The following PCDHA10 variants were observed in gnomAD, a reference collection of about 807,000 sequenced individuals.
PCDHA10 encodes protocadherin alpha-10.
In PCDHA10, 45 loss-of-function variants were observed where a neutral mutation model predicts 61.2. That is an observed-to-expected ratio of 0.74 (90% CI 0.58 to 0.94). The LOEUF is 0.94. PCDHA10 is among the 40% of genes least tolerant of loss of function. The pLI is 0.00. For missense variants in PCDHA10, 1,278 were observed against 1,236.2 expected (o/e 1.03, Z -0.51); for synonymous variants, 602 against 548.8 (o/e 1.10, Z -1.35).
chr5:140,884,441 G>A, intron 1 of PCDHA10: 2 of 1,613,812 alleles, frequency 1.2e-6, no homozygotes, highest in Non-Finnish European at 1.7e-6. Flanking sequence ...GCGGTGCTCG[G>A]CACCGCCCAC....
chr5:140,980,545 G>A lies in PCDHA10; in HGVS notation c.2447+1538G>A, dbSNP rs190037193. ...CTAGGGAGGCTGAGGCAGGAGAATC[G>A]CTTGAACCCGGGAGGCGGAAGTTGC... On this transcript the variant is annotated intron_variant, in intron 2 of 3. Transcript: ENST00000307360. 4.1e-3 allele frequency among the ~76,000 whole-genome samples: 627 copies of A among 152,232 alleles called. 4 individuals are homozygous for A. Among genetic ancestry groups the A allele is most frequent in the Non-Finnish European group, 6.8e-3 (460 of 67,996 alleles).
intron 3 of PCDHA10, among the ~76,000 whole-genome samples, chr5:140,989,715 G>A (rs2097356088): frequency 6.6e-6 from 1 of 152,166 alleles, no homozygotes; most frequent in Non-Finnish European, 1.5e-5. Flanking sequence ...GAGGCAGTCA[G>A]CTTTGCAGTT....
rs193129915 is a variant in PCDHA10 at position 140,907,396 on chromosome 5, T to C, written c.2388+48960T>C. On this transcript the variant is annotated intron_variant, in intron 1 of 3. Coordinates refer to ENST00000307360, the MANE Select transcript of PCDHA10 (RefSeq NM_018901.4). The stretch of plus-strand genomic sequence containing the variant: ...TGAGTGCCTTGGTCAAAGGCAATGC[T>C]GTGTGGAATACCACGATGGTGGATA... Among the ~76,000 whole-genome samples, 1,220 of 152,314 alleles carry C rather than the reference T, an allele frequency of 8.0e-3. 6 individuals are homozygous for C. Among genetic ancestry groups the C allele is most frequent in the African/African-American group, 0.019 (787 of 41,564 alleles).
At chr5:140,871,486 C>T in intron 1 of PCDHA10, 1 of 1,592,450 alleles carries the variant, frequency 6.3e-7, no homozygotes, top group African/African-American at 1.3e-5. Context: ...GTCAAATCAC[C>T]CCGGACAGGT....
At chr5:140,898,899 C>A (rs1457821018) in intron 1 of PCDHA10, among the ~76,000 whole-genome samples, 2 of 152,072 alleles carry the variant, frequency 1.3e-5, no homozygotes, top group Non-Finnish European at 2.9e-5. Context: ...TTGAAGAGGT[C>A]CTTCACGTCC....
intron 1 of PCDHA10, among the ~76,000 whole-genome samples, chr5:140,948,191 C>A (rs2094221032): frequency 6.6e-6 from 1 of 151,562 alleles, no homozygotes; most frequent in African/African-American, 2.4e-5. Context: ...CCCACTTAGT[C>A]ATGATATATT....
intron 3 of PCDHA10, among the ~76,000 whole-genome samples, chr5:140,986,473 CA>C (rs1217616254): frequency 6.6e-6 from 1 of 152,192 alleles, no homozygotes; most frequent in Non-Finnish European, 1.5e-5. Context: ...CTCTTGTGAT[CA>C]GTTCCTAGGG....
chr5:140,971,557 T>A (rs1483701815), intron 1 of PCDHA10, among the ~76,000 whole-genome samples: 5 of 152,150 alleles, frequency 3.3e-5, no homozygotes, highest in Non-Finnish European at 7.4e-5. Context: ...CCTGTTAAAT[T>A]CCCATGTTGG....
At chr5:140,992,295 A>G (rs2097504334) in intron 3 of PCDHA10, among the ~76,000 whole-genome samples, 1 of 152,134 alleles carries the variant, frequency 6.6e-6, no homozygotes, top group African/African-American at 2.4e-5. Flanking sequence ...AAAGGATGGG[A>G]GTATTGTTTT....
chr5:140,927,656 T>C (rs782201050), intron 1 of PCDHA10: 4 of 1,613,938 alleles, frequency 2.5e-6, no homozygotes, highest in Non-Finnish European at 3.4e-6. Flanking sequence ...TTATTCCGAG[T>C]TCAAGCCTTG....
intron 1 of PCDHA10, among the ~76,000 whole-genome samples, chr5:140,881,114 T>A (rs2058590741): frequency 6.6e-6 from 1 of 152,204 alleles, no homozygotes; most frequent in Admixed American, 6.5e-5. Context: ...GGCCTGGGAT[T>A]TTGTGGCTTG....
intron 1 of PCDHA10, among the ~76,000 whole-genome samples, chr5:140,972,725 G>A (rs985697414): frequency 2.7e-5 from 4 of 146,408 alleles, no homozygotes; most frequent in African/African-American, 7.7e-5. Context: ...GTGCAGTGGC[G>A]TAATCCCGGC....
At chr5:140,914,788 T>G (rs2076845575) in intron 1 of PCDHA10, among the ~76,000 whole-genome samples, 1 of 152,192 alleles carries the variant, frequency 6.6e-6, no homozygotes, top group South Asian at 2.1e-4. Context: ...TTATGACCCA[T>G]TATTTTAAAC....
intron 1 of PCDHA10, among the ~76,000 whole-genome samples, chr5:140,921,651 C>T (rs155817): frequency 0.33 from 49,637 of 151,902 alleles, 8,394 homozygotes; most frequent in East Asian, 0.53. Context: ...TTTAAGGGAA[C>T]TTAATAAAAA....
chr5:141,010,398 G>C lies in PCDHA10; in HGVS notation c.*461G>C. The C allele has an allele frequency of 7.6e-7, 1 of 1,323,994 alleles. No individual in the cohort carries two copies. Among genetic ancestry groups the C allele is most frequent in the South Asian group, 1.5e-5 (1 of 66,476 alleles). 82.0% of individuals were successfully genotyped at this position (1,323,994 alleles called of 1,614,324 possible). A position where few individuals can be genotyped will look rare whatever the true frequency, so the allele number is the denominator to read the frequency against. ...GCCAGATATTGGCTGAGACGAGCCA[G>C]CTTAGACTAATTGGTACAAGGAAGG... On this transcript the variant is annotated 3_prime_UTR_variant, in exon 4 of 4. Transcript: ENST00000307360.
intron 1 of PCDHA10, among the ~76,000 whole-genome samples, chr5:140,953,914 T>A (rs1554221128): frequency 6.6e-6 from 1 of 152,134 alleles, no homozygotes; most frequent in South Asian, 2.1e-4. Context: ...ATCCATTAGG[T>A]ATTCTTCCTG....
intron 3 of PCDHA10, among the ~76,000 whole-genome samples, chr5:140,992,954 C>G (rs1174073844): frequency 6.6e-6 from 1 of 152,190 alleles, no homozygotes; most frequent in Non-Finnish European, 1.5e-5. Context: ...TTAAATCACC[C>G]CTTATACTGC....
chr5:140,968,923 T>G lies in PCDHA10; in HGVS notation c.2389-10026T>G, dbSNP rs140504777. The G allele has an allele frequency of 2.9e-3, 4,668 of 1,614,212 alleles. 4 individuals are homozygous for G. Among genetic ancestry groups the G allele is most frequent in the Non-Finnish European group, 3.3e-3 (3,916 of 1,180,046 alleles). ...CATTAAGCACAGTGTCTTTTATATT[T>G]CTTTTGACAATCATCATTTTGAGCA... On this transcript the variant is annotated intron_variant, in intron 1 of 3. Coordinates refer to ENST00000307360, the MANE Select transcript of PCDHA10 (RefSeq NM_018901.4).
chr5:140,932,704 A>G (rs1365268266), intron 1 of PCDHA10, among the ~76,000 whole-genome samples: 1 of 151,932 alleles, frequency 6.6e-6, no homozygotes, highest in Non-Finnish European at 1.5e-5. Context: ...ACTCATATAG[A>G]CAACACAATA....
Sources: allele counts gnomAD v4.1 joint callset (sites outside exome capture counted in the v4.1 genomes callset), GRCh38; gene constraint gnomAD v4.1.1; transcripts MANE v1.5; gene names NCBI Gene and HGNC (gene_info 2026-07-23, HGNC 2026-07-21).